Variants in RRP12 observed in about 807,000 individuals in gnomAD.
The protein encoded by RRP12 is RRP12-like protein.
In RRP12, 78 loss-of-function variants were observed where a neutral mutation model predicts 157.3. That is an observed-to-expected ratio of 0.50 (90% CI 0.41 to 0.60). The LOEUF (loss-of-function observed/expected upper bound fraction) is 0.60, where lower values mean the gene tolerates loss of function less well. Ranked by LOEUF, RRP12 falls within the 20% of genes least tolerant of loss-of-function variation. The pLI is 0.00. For synonymous variants in RRP12, 726 were observed against 670.9 expected (o/e 1.08, Z -1.27); for missense variants, 1,521 against 1,679.9 (o/e 0.91, Z 1.65).
At chr10:97,362,438 C>A (rs766614770) in intron 30 of RRP12, among the ~76,000 whole-genome samples, 1 of 152,222 alleles carries the variant, frequency 6.6e-6, no homozygotes, top group Non-Finnish European at 1.5e-5. Flanking sequence ...CTTTGCATCA[C>A]TAAGTGGCAA....
At chr10:97,369,951 G>A (rs948962951) in intron 24 of RRP12, among the ~76,000 whole-genome samples, 5 of 152,200 alleles carry the variant, frequency 3.3e-5, no homozygotes, top group Admixed American at 1.3e-4. Context: ...ACAGTCACAC[G>A]TGGGGACAGA....
At chr10:97,395,328 G>C (rs968826995) in intron 3 of RRP12, among the ~76,000 whole-genome samples, 3 of 147,000 alleles carry the variant, frequency 2.0e-5, no homozygotes, top group Non-Finnish European at 4.5e-5. Flanking sequence ...AGGTAGGGGG[G>C]ATCACCTGAG....
Position 97,366,190 on chromosome 10 carries a change from G to A in RRP12, c.3435C>T (p.Gly1145=). 6.2e-7 allele frequency: 1 copy of A among 1,611,314 alleles called. No individual in the cohort carries two copies. Among genetic ancestry groups the A allele is most frequent in the Non-Finnish European group, 8.5e-7 (1 of 1,179,968 alleles). Residue 1145 remains glycine (G), a synonymous_variant, in exon 29 of 34, where the codon GGC becomes GGT. Coordinates refer to ENST00000370992, the MANE Select transcript of RRP12 (RefSeq NM_015179.4). ...GPGRGRKKDH[G]FKVSADGRLI... is the part of the protein sequence containing the mutation. ...GCCGGCCATCGGCGCTCACCTTGAA[G>A]CCGTGGTCCTTCTTCCTGCCCCGGC...
chr10:97,400,839 C>G (rs1845125103), intron 1 of RRP12, among the ~76,000 whole-genome samples: 1 of 152,124 alleles, frequency 6.6e-6, no homozygotes, highest in African/African-American at 2.4e-5. Flanking sequence ...AAAGAGCTAC[C>G]CAAGGTCCAA....
At chr10:97,390,166 G>A (rs544638466) in intron 6 of RRP12, among the ~76,000 whole-genome samples, 49 of 152,292 alleles carry the variant, frequency 3.2e-4, no homozygotes, top group African/African-American at 1.1e-3. Context: ...ATAGACATAT[G>A]GGGAGAGTCC....
At chr10:97,385,776 G>T in intron 9 of RRP12, 119 bp downstream of exon 9, 1 of 706,042 alleles carries the variant, frequency 1.4e-6, no homozygotes, top group South Asian at 1.7e-5. Flanking sequence ...CTTCCACTAG[G>T]ACAACCCAGC....
In RRP12 at chr10:97,358,896, C is replaced by T. The variant is rs1481540417; in HGVS notation, c.3708+47G>A. On this transcript the variant is annotated intron_variant, in intron 32 of 33. Transcript: ENST00000370992. ...ACAGCTCCTCCTTGCCCCTCCCTGG[C>T]ACCTGTCCAGTGCCAGGAGACCCCA... The T allele has an allele frequency of 4.7e-6, 7 of 1,504,104 alleles. No individual in the cohort carries two copies. In the South Asian group the frequency reaches 6.8e-5, roughly 15 times the overall value. 93.2% of individuals were successfully genotyped at this position (1,504,104 alleles called of 1,614,324 possible).
At chr10:97,376,602 A>T (rs12359257) in intron 15 of RRP12, among the ~76,000 whole-genome samples, 45,022 of 151,880 alleles carry the variant, frequency 0.3, 6,944 homozygotes, top group South Asian at 0.36. Context: ...CTCAATCTTG[A>T]CAATGTGGAC....
chr10:97,380,124 C>T (rs1844425774), intron 13 of RRP12, among the ~76,000 whole-genome samples: 1 of 152,198 alleles, frequency 6.6e-6, no homozygotes, highest in African/African-American at 2.4e-5. Flanking sequence ...ATGGCCACAG[C>T]CCTCCCCCAG....
chr10:97,360,714 G>A (rs1280923182), intron 30 of RRP12, 96 bp from the exon 31 acceptor site: 2 of 911,978 alleles, frequency 2.2e-6, no homozygotes, highest in Non-Finnish European at 3.7e-6. Context: ...GCATCAAGCA[G>A]GAGAGGCCCT....
intron 4 of RRP12, among the ~76,000 whole-genome samples, chr10:97,391,513 G>C (rs1254220661): frequency 6.6e-6 from 1 of 152,176 alleles, no homozygotes; most frequent in Non-Finnish European, 1.5e-5. Flanking sequence ...GGAGGGTGTG[G>C]TGAGCTGAGA....
Position 97,388,274 on chromosome 10 carries a change from C to T in RRP12, c.995G>A (p.Arg332Lys), listed in dbSNP as rs1844694654. 3 of 1,613,964 alleles carry T rather than the reference C, an allele frequency of 1.9e-6. No individual in the cohort carries two copies. Among genetic ancestry groups the T allele is most frequent in the Admixed American group, 1.7e-5 (1 of 59,986 alleles). ...CACCACATGGCTCAAGGTCATGACC[C>T]TGAGGAGAGTCTCACTGCAGCTCTT... is the stretch of plus-strand genomic sequence containing the variant. ...LVKSCSETLLRVMTLSHVLVT... is the reference protein window; with the variant it reads ...LVKSCSETLLKVMTLSHVLVT... Residue 332 changes from arginine (R) to lysine (K), a missense_variant, in exon 8 of 34, where the codon AGG becomes AAG. Physicochemically the swap from Arg to Lys is conservative, Grantham distance 26 (BLOSUM62 2). Transcript: ENST00000370992.
intron 17 of RRP12, 82 bp from the exon 18 acceptor site, chr10:97,373,282 C>A: frequency 6.9e-7 from 1 of 1,445,666 alleles, no homozygotes; most frequent in Non-Finnish European, 9.5e-7. Flanking sequence ...GCCCAGAGGC[C>A]CTCTCTTGGG....
intron 1 of RRP12, 45 bp from the exon 2 acceptor site, chr10:97,400,579 C>G (rs1845117023): frequency 6.6e-7 from 1 of 1,523,522 alleles, no homozygotes; most frequent in African/African-American, 1.4e-5. Context: ...TCCTTTTGGT[C>G]AAGAGAACAG....
intron 30 of RRP12, among the ~76,000 whole-genome samples, chr10:97,362,959 G>A (rs745382704): frequency 8.1e-4 from 123 of 152,244 alleles, no homozygotes; most frequent in Admixed American, 1.1e-3. Context: ...CACTTTACAC[G>A]CCCAATCTTA....
chr10:97,367,209 G>A (rs1385325681), intron 25 of RRP12, 77 bp from the exon 26 acceptor site: 1 of 1,257,828 alleles, frequency 8.0e-7, no homozygotes, highest in African/African-American at 1.5e-5. Flanking sequence ...CCAGCCCAGG[G>A]ACGCAGCATG....
At position 97,370,824 on chromosome 10, in the gene RRP12, C is replaced by T. The variant is rs761143586; in HGVS notation, c.2503-28G>A. 6.2e-6 allele frequency: 10 copies of T among 1,611,094 alleles called. No homozygotes were observed. The South Asian group carries it at 6.6e-5, about 11-fold the overall frequency. ...GTGGGCAAAGGGCTACCAGTCAGGA[C>T]CCCTCAATGCTACCTCCACCCAACA... On this transcript the variant is annotated intron_variant, in intron 21 of 33. Transcript: ENST00000370992.
At chr10:97,379,184 C>T (rs1221430943) in intron 15 of RRP12, 109 bp downstream of exon 15, 10 of 1,306,240 alleles carry the variant, frequency 7.7e-6, no homozygotes, top group Admixed American at 3.7e-5. Flanking sequence ...TGTTGCCAAA[C>T]GTCTTGAAGG....
intron 25 of RRP12, 181 bp from the exon 26 acceptor site, chr10:97,367,313 T>C: frequency 1.6e-6 from 1 of 609,370 alleles, no homozygotes. Flanking sequence ...GGCCCCATCT[T>C]TCCCCTGCAC....
Sources: gnomAD v4.1 joint callset for allele counts (sites outside exome capture counted in the v4.1 genomes callset) on GRCh38, gnomAD v4.1.1 for gene constraint, MANE v1.5 for transcripts, NCBI Gene and HGNC (gene_info 2026-07-23, HGNC 2026-07-21) for gene names.